GNB5: variants seen among roughly 807,000 people sequenced by gnomAD.
The protein encoded by GNB5 is G protein subunit beta 5, also known as guanine nucleotide-binding protein subunit beta-5.
GNB5 carries 37 observed loss-of-function variants against 55.3 expected under a neutral mutation model. The ratio of observed to expected loss-of-function variants is 0.67; its 90% confidence interval spans 0.51 to 0.88. The LOEUF is 0.88. GNB5 is among the 40% of genes least tolerant of loss of function. The pLI is 0.00. For missense variants in GNB5, 476 were observed against 515.3 expected (o/e 0.92, Z 0.74); for synonymous variants, 219 against 198.5 (o/e 1.10, Z -0.87).
At chr15:52,160,436 AAAC>A (rs531981873) in intron 3 of GNB5, among the ~76,000 whole-genome samples, 328 of 152,338 alleles carry the variant, frequency 2.2e-3, no homozygotes, top group Non-Finnish European at 3.7e-3. Context: ...AGAAGACTGG[AAAC>A]AACATGACCC....
At chr15:52,184,918 C>G (rs1331083019) in intron 1 of GNB5, among the ~76,000 whole-genome samples, 4 of 152,228 alleles carry the variant, frequency 2.6e-5, no homozygotes, top group African/African-American at 7.2e-5. Flanking sequence ...GAACTTAACA[C>G]GTTTAACCAG....
intron 4 of GNB5, among the ~76,000 whole-genome samples, chr15:52,150,873 T>C (rs1157122877): frequency 6.6e-6 from 1 of 152,208 alleles, no homozygotes; most frequent in Non-Finnish European, 1.5e-5. Flanking sequence ...ATCTACAGCC[T>C]CTATGGCAGG....
chr15:52,125,682 G>A (rs1192655225), intron 11 of GNB5: 3 of 317,842 alleles, frequency 9.4e-6, no homozygotes, highest in Non-Finnish European at 1.7e-5. Context: ...CATTGTGGAA[G>A]TGAATTTCTG....
At chr15:52,124,822 G>A in intron 11 of GNB5, 183 bp from the exon 12 acceptor site, 1 of 578,750 alleles carries the variant, frequency 1.7e-6, no homozygotes, top group East Asian at 2.9e-5. Context: ...GAGGATGTGG[G>A]GCTGAAAGGA....
intron 11 of GNB5, 145 bp from the exon 12 acceptor site, chr15:52,124,784 G>GGA: frequency 1.5e-6 from 1 of 668,986 alleles, no homozygotes; most frequent in Non-Finnish European, 2.6e-6. Flanking sequence ...GATTCAAAGG[G>GGA]GAGAAAGCAC....
intron 1 of GNB5, among the ~76,000 whole-genome samples, chr15:52,185,804 A>C (rs886108158): frequency 2.8e-5 from 4 of 141,864 alleles, no homozygotes; most frequent in African/African-American, 1.0e-4. Flanking sequence ...TATTTGGGAC[A>C]GTATCTCTCT....
intron 3 of GNB5, among the ~76,000 whole-genome samples, chr15:52,171,727 T>C (rs16964750): frequency 0.052 from 7,873 of 152,306 alleles, 698 homozygotes; most frequent in African/African-American, 0.18. Flanking sequence ...CAGGCTAATC[T>C]AGAAAGTTGG....
At chr15:52,131,514 C>CA (rs2033573909) in intron 9 of GNB5, among the ~76,000 whole-genome samples, 1 of 152,100 alleles carries the variant, frequency 6.6e-6, no homozygotes, top group East Asian at 1.9e-4. Flanking sequence ...CCCACAGATA[C>CA]CAAGGAATGA....
At chr15:52,134,195 T>C (rs1467549981) in intron 8 of GNB5, among the ~76,000 whole-genome samples, 2 of 152,226 alleles carry the variant, frequency 1.3e-5, no homozygotes, top group Non-Finnish European at 2.9e-5. Flanking sequence ...CTATCAAGGC[T>C]CTGGGAGTAG....
Position 52,154,033 on chromosome 15 carries a change from G to C in GNB5, c.282C>G (p.Val94=). The C allele has an allele frequency of 6.2e-7, 1 of 1,614,066 alleles. No homozygotes were observed. Among genetic ancestry groups the C allele is most frequent in the Non-Finnish European group, 8.5e-7 (1 of 1,179,930 alleles). ...CTTTGAGGGTCCTTCTGGTCTTCAT[G>C]ACAAACTGCCCCAGGGCCTCCACCC... ...AERVEALGQF[V]MKTRRTLKGH... The change falls in exon 4 of 13, where the codon GTC becomes GTG. Residue 94 remains valine, a synonymous_variant. Coordinates refer to ENST00000261837, the MANE Select transcript of GNB5 (RefSeq NM_016194.4).
At chr15:52,135,852 A>AACACACACACACACACACACACACAC (rs57732678) in intron 7 of GNB5, 96 bp from the exon 8 acceptor site, 1 of 520,996 alleles carries the variant, frequency 1.9e-6, no homozygotes, top group Non-Finnish European at 3.2e-6. Context: ...GGAAAAGCAG[A>AACACACACACACACACACACACACAC]ACACACACAC....
chr15:52,124,005 C>CAAAAA (rs56008657), intron 12 of GNB5, among the ~76,000 whole-genome samples: 1 of 84,400 alleles, frequency 1.2e-5, no homozygotes, highest in African/African-American at 4.2e-5. Flanking sequence ...ATAGAAAAAC[C>CAAAAA]AAAAAAAAAA....
intron 4 of GNB5, among the ~76,000 whole-genome samples, chr15:52,151,828 G>A (rs1361022116): frequency 1.3e-5 from 2 of 152,114 alleles, no homozygotes; most frequent in Non-Finnish European, 2.9e-5. Context: ...ATAATGGGCA[G>A]GGCAAGGTGG....
At chr15:52,176,049 A>C (rs2034643647) in intron 3 of GNB5, among the ~76,000 whole-genome samples, 1 of 148,330 alleles carries the variant, frequency 6.7e-6, no homozygotes, top group Non-Finnish European at 1.5e-5. Flanking sequence ...ACTCCATCTC[A>C]AAAAAAAACA....
chr15:52,168,377 C>G (rs1287647351), intron 3 of GNB5, among the ~76,000 whole-genome samples: 1 of 152,094 alleles, frequency 6.6e-6, no homozygotes, highest in Non-Finnish European at 1.5e-5. Context: ...ATAATTGCTA[C>G]AAAGAGAATC....
chr15:52,161,488 A>G (rs2034331363), intron 3 of GNB5, among the ~76,000 whole-genome samples: 1 of 152,056 alleles, frequency 6.6e-6, no homozygotes, highest in South Asian at 2.1e-4. Context: ...TTTAGTAGAG[A>G]TGGGGTTCCA....
At chr15:52,137,184 C>A (rs1755139128) in intron 7 of GNB5, 2 of 1,091,848 alleles carry the variant, frequency 1.8e-6, no homozygotes, top group African/African-American at 3.3e-5. Flanking sequence ...TGTGGCAGGT[C>A]AGATAACCTT....
chr15:52,130,178 C>A (rs1479135487), intron 9 of GNB5, among the ~76,000 whole-genome samples: 1 of 152,170 alleles, frequency 6.6e-6, no homozygotes, highest in Admixed American at 6.5e-5. Context: ...AACAAACTCC[C>A]ATCTGGTTTA....
intron 1 of GNB5, among the ~76,000 whole-genome samples, chr15:52,186,038 C>T (rs958664955): frequency 2.0e-5 from 3 of 152,106 alleles, no homozygotes; most frequent in Non-Finnish European, 2.9e-5. Context: ...CTCGGCCTCC[C>T]GAAGTGCTGG....
Sources: gnomAD v4.1 joint callset for allele counts (sites outside exome capture counted in the v4.1 genomes callset) on GRCh38, gnomAD v4.1.1 for gene constraint, MANE v1.5 for transcripts, NCBI Gene and HGNC (gene_info 2026-07-23, HGNC 2026-07-21) for gene names.